CHD6: variants seen among roughly 807,000 people sequenced by gnomAD.
CHD6 encodes ATP-dependent chromatin remodeler CHD6.
In CHD6, 50 loss-of-function variants were observed where a neutral mutation model predicts 276.9. That is an observed-to-expected ratio of 0.18 (90% CI 0.14 to 0.23). The LOEUF (loss-of-function observed/expected upper bound fraction) is 0.23, where lower values mean the gene tolerates loss of function less well. Ranked by LOEUF, CHD6 falls within the 10% of genes least tolerant of loss-of-function variation. The probability of loss-of-function intolerance (pLI) is 1.00; values close to 1 mark genes in which losing one functional copy is unlikely to be tolerated. For synonymous variants in CHD6, 1,173 were observed against 1,229.3 expected (o/e 0.95, Z 0.96); for missense variants, 2,564 against 3,365.8 (o/e 0.76, Z 5.89).
intron 23 of CHD6, 147 bp downstream of exon 23, chr20:41,450,799 G>A (rs2048214955): frequency 1.5e-5 from 11 of 752,720 alleles, no homozygotes; most frequent in South Asian, 1.3e-4. Context: ...TTCTGAGCCA[G>A]CTTAGACCAC....
intron 1 of CHD6, among the ~76,000 whole-genome samples, chr20:41,581,917 A>G (rs1325411553): frequency 1.3e-5 from 2 of 152,228 alleles, no homozygotes; most frequent in Admixed American, 1.3e-4. Flanking sequence ...ACATACATGG[A>G]TAACTAGGAG....
chr20:41,603,718 T>A (rs2045797119), intron 1 of CHD6, among the ~76,000 whole-genome samples: 1 of 151,950 alleles, frequency 6.6e-6, no homozygotes, highest in Non-Finnish European at 1.5e-5. Flanking sequence ...TACAAAAAAA[T>A]TAGCTAGGCT....
At chr20:41,543,287 T>A (rs1236858979) in intron 2 of CHD6, among the ~76,000 whole-genome samples, 3 of 152,166 alleles carry the variant, frequency 2.0e-5, no homozygotes, top group African/African-American at 4.8e-5. Flanking sequence ...GTCCCACGGC[T>A]AGTAAGTGGT....
intron 1 of CHD6, among the ~76,000 whole-genome samples, chr20:41,551,854 A>T (rs2045152221): frequency 6.6e-6 from 1 of 152,192 alleles, no homozygotes; most frequent in Non-Finnish European, 1.5e-5. Flanking sequence ...ATATTATTTG[A>T]CGATTTAAAC....
At chr20:41,540,053 T>C (rs1361675487) in intron 2 of CHD6, among the ~76,000 whole-genome samples, 2 of 152,240 alleles carry the variant, frequency 1.3e-5, no homozygotes, top group African/African-American at 4.8e-5. Context: ...GTCTGGGTGA[T>C]ACGACTGTGG....
intron 1 of CHD6, among the ~76,000 whole-genome samples, chr20:41,553,475 A>AGT (rs2045175921): frequency 6.6e-6 from 1 of 152,180 alleles, no homozygotes; most frequent in Non-Finnish European, 1.5e-5. Flanking sequence ...TGCTTCCTTA[A>AGT]ACCTTTCATA....
chr20:41,493,780 T>C, intron 9 of CHD6, 78 bp downstream of exon 9: 1 of 1,563,160 alleles, frequency 6.4e-7, no homozygotes, highest in South Asian at 1.1e-5. Context: ...GGAATACCAC[T>C]AAGACAAGGG....
intron 1 of CHD6, among the ~76,000 whole-genome samples, chr20:41,582,562 C>A (rs1310538560): frequency 6.6e-6 from 1 of 152,082 alleles, no homozygotes; most frequent in Non-Finnish European, 1.5e-5. Context: ...TATTGTTCTA[C>A]AGTAATGTCC....
Position 41,452,650 on chromosome 20 carries a change from T to C in CHD6, c.3323+90A>G. 3 of 1,169,494 alleles carry C rather than the reference T, an allele frequency of 2.6e-6. No individual in the cohort carries two copies. Among genetic ancestry groups the C allele is most frequent in the Admixed American group, 1.9e-5 (1 of 51,520 alleles). 72.4% of individuals were successfully genotyped at this position (1,169,494 alleles called of 1,614,324 possible). On this transcript the variant is annotated intron_variant, in intron 21 of 36. Transcript: ENST00000373233. The surrounding 1 kb of genome is among the most constrained non-coding windows in gnomAD (Gnocchi z 4.2). ...TTTGCCCTATAATTCCAAAGGTGAC[T>C]GGAGAGACATCCTAGACAAATCTCA...
chr20:41,536,884 T>C (rs948246181), intron 2 of CHD6, among the ~76,000 whole-genome samples: 2 of 152,198 alleles, frequency 1.3e-5, no homozygotes, highest in Non-Finnish European at 2.9e-5. Flanking sequence ...CCTTTCACTC[T>C]TATTCATATA....
chr20:41,422,157 T>C, intron 30 of CHD6, 78 bp from the exon 31 acceptor site: 1 of 1,470,040 alleles, frequency 6.8e-7, no homozygotes, highest in Non-Finnish European at 9.1e-7. Flanking sequence ...CCTGCATCTT[T>C]GGTCTTGGAG....
chr20:41,575,483 A>G (rs560498302), intron 1 of CHD6, among the ~76,000 whole-genome samples: 2 of 152,202 alleles, frequency 1.3e-5, no homozygotes, highest in African/African-American at 2.4e-5. Flanking sequence ...CATAAATACC[A>G]AGTGAATACC....
rs184650661 is a variant in CHD6, at chr20:41,606,608, G to A, written c.-24+11732C>T. 1.2e-3 allele frequency among the ~76,000 whole-genome samples: 189 copies of A among 151,980 alleles called. 1 individual carries two copies. Among genetic ancestry groups the A allele is most frequent in the Non-Finnish European group, 2.2e-3 (152 of 67,962 alleles). ...GAGAATCACTTGAATCCAGGAGGTG[G>A]AGGTCACAGTGAGCAGAGATCGCAC... is the stretch of plus-strand genomic sequence containing the variant. On this transcript the variant is annotated intron_variant, in intron 1 of 36. Coordinates refer to ENST00000373233, the MANE Select transcript of CHD6 (RefSeq NM_032221.5).
In CHD6 at chr20:41,421,589, A is replaced by G. The variant is rs757357173; in HGVS notation, c.5046T>C (p.Phe1682=). The G allele has an allele frequency of 1.2e-6, 2 of 1,613,940 alleles. No homozygotes were observed. Among genetic ancestry groups the G allele is most frequent in the Non-Finnish European group, 8.5e-7 (1 of 1,179,950 alleles). Residue 1682 remains phenylalanine, a synonymous_variant, in exon 31 of 37, where the codon TTT becomes TTC. Transcript: ENST00000373233. ...LSLPDVTCEN[F]ISKVQDVISI... is the part of the protein sequence containing the mutation. ...AAATGACATCCTGAACTTTAGAAAT[A>G]AAGTTTTCACATGTCACATCAGGCA...
At chr20:41,609,529 T>C (rs529509844) in intron 1 of CHD6, among the ~76,000 whole-genome samples, 9 of 152,334 alleles carry the variant, frequency 5.9e-5, no homozygotes, top group African/African-American at 1.4e-4. Context: ...GGAGAGACTA[T>C]ATAGCATTAA....
intron 11 of CHD6, among the ~76,000 whole-genome samples, 183 bp downstream of exon 11, chr20:41,491,515 G>C (rs2043554355): frequency 6.6e-6 from 1 of 151,286 alleles, no homozygotes; most frequent in Admixed American, 6.6e-5. Flanking sequence ...ATTCCTTTTG[G>C]TTGGAGAAAC....
intron 1 of CHD6, among the ~76,000 whole-genome samples, chr20:41,592,540 A>G (rs2045674624): frequency 6.6e-6 from 1 of 152,256 alleles, no homozygotes; most frequent in African/African-American, 2.4e-5. Flanking sequence ...CAATGACACA[A>G]TAGTAGTACT....
intron 11 of CHD6, among the ~76,000 whole-genome samples, chr20:41,490,792 G>A (rs1017878049): frequency 2.0e-5 from 3 of 152,064 alleles, no homozygotes; most frequent in African/African-American, 7.2e-5. Context: ...CAGCATGGGT[G>A]ACAGAGCGAG....
At chr20:41,545,637 T>C (rs958288459) in intron 2 of CHD6, among the ~76,000 whole-genome samples, 3 of 152,192 alleles carry the variant, frequency 2.0e-5, no homozygotes, top group African/African-American at 2.4e-5. Context: ...TAGTGATCCA[T>C]ACTACTAGTA....
Sources: gnomAD v4.1 joint callset for allele counts (sites outside exome capture counted in the v4.1 genomes callset) on GRCh38, gnomAD v4.1.1 for gene constraint, Gnocchi (gnomAD v3.1) non-coding constraint, MANE v1.5 for transcripts, NCBI Gene and HGNC (gene_info 2026-07-23, HGNC 2026-07-21) for gene names.